The following LYSMD4 variants were observed in gnomAD, a reference collection of about 807,000 sequenced individuals.
LYSMD4 encodes lysM and putative peptidoglycan-binding domain-containing protein 4.
A neutral mutation model predicts 6.1 loss-of-function variants in LYSMD4; 9 were observed. The observed-to-expected ratio is 1.47, with a 90% CI of 0.88 to 2.56. The LOEUF is 2.56. LYSMD4 is among the 30% of genes most tolerant of loss of function. The pLI is 0.00. For missense variants in LYSMD4, 384 were observed against 373.5 expected (o/e 1.03, Z -0.23); for synonymous variants, 143 against 148.5 (o/e 0.96, Z 0.27).
exon 1 of LYSMD4, chr15:99,715,988 T>A (rs1373009156): frequency 6.5e-6 from 1 of 153,580 alleles, no homozygotes; most frequent in Admixed American, 6.4e-5. Context: ...TGCATCAACA[T>A]AATTTCTGTA....
At position 99,729,056 on chromosome 15, in the gene LYSMD4, G is replaced by T; in HGVS notation, c.*67C>A. ...CAAAATGCAGCACCCCTAGGACATC[G>T]CCAGTGACAGCTGAGGCACATCAAC... On this transcript the variant is annotated 3_prime_UTR_variant, in exon 3 of 3. Coordinates refer to ENST00000684762, the MANE Select transcript of LYSMD4 (RefSeq NM_001284417.2). The T allele has an allele frequency of 1.3e-6, 2 of 1,581,710 alleles. No homozygotes were observed. Among genetic ancestry groups the T allele is most frequent in the Non-Finnish European group, 1.7e-6 (2 of 1,160,858 alleles).
chr15:99,730,886 C>T (rs1567555588), intron 2 of LYSMD4, among the ~76,000 whole-genome samples: 1 of 152,214 alleles, frequency 6.6e-6, no homozygotes, highest in Admixed American at 6.5e-5. Context: ...CCTGCAGAAG[C>T]TGCTTATCGG....
chr15:99,723,932 C>T (rs578232951), downstream of LYSMD4, among the ~76,000 whole-genome samples: 7 of 149,720 alleles, frequency 4.7e-5, no homozygotes, highest in East Asian at 7.7e-4. Flanking sequence ...TGGAATTCAG[C>T]GTTGCCTAGA....
exon 1 of LYSMD4, chr15:99,717,055 T>C: frequency 5.9e-6 from 1 of 169,840 alleles, no homozygotes; most frequent in Non-Finnish European, 1.3e-5. Context: ...TTGTCATAAT[T>C]CAGCTAGAAA....
chr15:99,721,757 C>A (rs555103889), upstream of LYSMD4, among the ~76,000 whole-genome samples: 12 of 152,184 alleles, frequency 7.9e-5, no homozygotes, highest in Non-Finnish European at 1.3e-4. Flanking sequence ...AGAATAACAG[C>A]AACCAGGTGT....
intron 1 of LYSMD4, 135 bp from the exon 2 acceptor site, chr15:99,732,142 G>T: frequency 1.1e-6 from 1 of 907,708 alleles, no homozygotes; most frequent in Non-Finnish European, 1.6e-6. Flanking sequence ...ATCATCAACA[G>T]AAAAAAAAGA....
downstream of LYSMD4, among the ~76,000 whole-genome samples, chr15:99,726,687 T>C (rs1369118583): frequency 6.6e-6 from 1 of 152,126 alleles, no homozygotes; most frequent in Non-Finnish European, 1.5e-5. Flanking sequence ...ATCATTTGCT[T>C]GACAATGGAG....
upstream of LYSMD4, among the ~76,000 whole-genome samples, chr15:99,719,854 G>A (rs1254392146): frequency 6.6e-6 from 1 of 152,094 alleles, no homozygotes; most frequent in Non-Finnish European, 1.5e-5. Context: ...ACAGAGTGCA[G>A]TCCTATTTTT....
chr15:99,719,030 G>C (rs761381183), upstream of LYSMD4, among the ~76,000 whole-genome samples: 2 of 152,156 alleles, frequency 1.3e-5, no homozygotes, highest in Non-Finnish European at 2.9e-5. Context: ...TTCTCCTGTG[G>C]TGGGGAACCC....
In LYSMD4 at chr15:99,732,011, A is replaced by T; in HGVS notation, c.-8-4T>A. 1 of 1,546,384 alleles carries T rather than the reference A, an allele frequency of 6.5e-7. No individual in the cohort carries two copies. Among genetic ancestry groups the T allele is most frequent in the Non-Finnish European group, 8.8e-7 (1 of 1,140,682 alleles). The stretch of plus-strand genomic sequence containing the variant: ...TCCTCGTGCCTCATTTTCTTCACTG[A>T]AAATCAAGCCGGAGGGTTAATTCCA... On this transcript the variant is annotated splice_region_variant and splice_polypyrimidine_tract_variant and intron_variant, in intron 1 of 2. Transcript: ENST00000684762.
At chr15:99,731,441 G>T in intron 2 of LYSMD4, 2 of 1,606,424 alleles carry the variant, frequency 1.2e-6, no homozygotes, top group Non-Finnish European at 1.7e-6. Context: ...AAGAAAAAAG[G>T]TTTCAGAATT....
downstream of LYSMD4, among the ~76,000 whole-genome samples, chr15:99,726,430 C>T (rs1302345021): frequency 6.6e-6 from 1 of 152,130 alleles, no homozygotes; most frequent in Non-Finnish European, 1.5e-5. Context: ...AGGCATGAGC[C>T]ACTGTGCCTG....
At chr15:99,732,091 A>G in intron 1 of LYSMD4, 84 bp from the exon 2 acceptor site, 2 of 1,386,554 alleles carry the variant, frequency 1.4e-6, no homozygotes, top group Non-Finnish European at 9.7e-7. Flanking sequence ...GTCTTGTTAG[A>G]GAGTATTCCT....
chr15:99,719,425 C>G (rs2059221639), upstream of LYSMD4, among the ~76,000 whole-genome samples: 1 of 152,148 alleles, frequency 6.6e-6, no homozygotes, highest in Non-Finnish European at 1.5e-5. Context: ...ATTCTCTCTT[C>G]ACCCCTGCTA....
rs1056300343 is a variant in LYSMD4, at chr15:99,733,339, C to G, written c.-9+6G>C. Reference sequence around the variant, plus strand: ...GACCGCGGCCCCCTCGTCCAGGCCCCGGTACCTCAGCGCCCAGGCTCCGCC... The same window carrying G: ...GACCGCGGCCCCCTCGTCCAGGCCCGGGTACCTCAGCGCCCAGGCTCCGCC... On this transcript the variant is annotated splice_donor_region_variant and intron_variant, in intron 1 of 2. Coordinates refer to ENST00000684762, the MANE Select transcript of LYSMD4 (RefSeq NM_001284417.2). 1.3e-5 allele frequency: 5 copies of G among 393,252 alleles called. No individual in the cohort carries two copies. Among genetic ancestry groups the G allele is most frequent in the Non-Finnish European group, 2.2e-5 (5 of 222,546 alleles). The allele number at this position is 393,252 out of a possible 1,614,324, so 24.4% of individuals were successfully genotyped here.
chr15:99,723,815 A>G (rs1481856598), downstream of LYSMD4, among the ~76,000 whole-genome samples: 1 of 144,132 alleles, frequency 6.9e-6, no homozygotes, highest in African/African-American at 2.9e-5. Flanking sequence ...AGCCTCTCCA[A>G]AACTGTGACC....
At position 99,731,786 on chromosome 15, in the gene LYSMD4, C is replaced by G. The variant is rs757830658; in HGVS notation, c.214G>C (p.Val72Leu). 1.1e-5 allele frequency: 17 copies of G among 1,611,672 alleles called. No homozygotes were observed. The highest frequency in any genetic ancestry group is 3.3e-5 in the South Asian group (3 of 90,978). ...TGGGCCAGCTCCCGCTGCAGCAGCA[C>G]CACGTCACCTGCTCCCGCCTGGGGA... ...QPPQAGAGDV[V>L]LLQRELAQED... The change falls in exon 2 of 3, where the codon GTG becomes CTG. Residue 72 changes from valine to leucine, a missense_variant. By Grantham distance (32) the Val-to-Leu change is conservative. Coordinates refer to ENST00000684762, the MANE Select transcript of LYSMD4 (RefSeq NM_001284417.2).
upstream of LYSMD4, among the ~76,000 whole-genome samples, chr15:99,719,287 G>A (rs770335757): frequency 2.6e-5 from 4 of 152,102 alleles, no homozygotes; most frequent in Admixed American, 2.0e-4. Flanking sequence ...TCATCTGTTC[G>A]TGTTTTATTT....
downstream of LYSMD4, among the ~76,000 whole-genome samples, chr15:99,726,519 G>A (rs112143682): frequency 2.1e-3 from 314 of 151,750 alleles, 2 homozygotes; most frequent in African/African-American, 7.2e-3. Context: ...CTACTGCAGC[G>A]CAGAAGGCCT....
Sources: allele counts gnomAD v4.1 joint callset (sites outside exome capture counted in the v4.1 genomes callset), GRCh38; gene constraint gnomAD v4.1.1; transcripts MANE v1.5; gene names NCBI Gene and HGNC (gene_info 2026-07-23, HGNC 2026-07-21).